Variants in CRACD observed in about 807,000 individuals in gnomAD.
CRACD encodes capping protein-inhibiting regulator of actin dynamics.
A neutral mutation model predicts 106.8 loss-of-function variants in CRACD; 56 were observed. That is an observed-to-expected ratio of 0.52 (90% confidence interval 0.42 to 0.66). CRACD has a LOEUF of 0.66. CRACD is among the 30% of genes least tolerant of loss of function. The pLI is 0.00. For missense variants in CRACD, 1,730 were observed against 1,623.2 expected (o/e 1.07, Z -1.13); for synonymous variants, 754 against 670.8 (o/e 1.12, Z -1.92).
At chr4:56,155,986 C>T (rs1418421185) in intron 1 of CRACD, among the ~76,000 whole-genome samples, 3 of 151,972 alleles carry the variant, frequency 2.0e-5, no homozygotes, top group African/African-American at 4.8e-5. Context: ...TTTTTTGAGA[C>T]AGAGTTTTGC....
At chr4:56,094,421 C>CTTTTTTTTT (rs1050719130) in intron 1 of CRACD, among the ~76,000 whole-genome samples, 2 of 117,082 alleles carry the variant, frequency 1.7e-5, no homozygotes, top group African/African-American at 3.2e-5. Context: ...CATATAGATT[C>CTTTTTTTTT]TTTTTTTTTT....
At chr4:56,217,955 ATCT>A (rs1051253910) in intron 2 of CRACD, among the ~76,000 whole-genome samples, 14 of 152,040 alleles carry the variant, frequency 9.2e-5, no homozygotes, top group Non-Finnish European at 2.9e-5. Context: ...GTGAGGGAGA[ATCT>A]TCTTCTTGCC....
In CRACD at chr4:56,316,545, C is replaced by T; in HGVS notation, c.3043C>T (p.Pro1015Ser). ...GGACCAGGAGAGCAGTGACCGCCGG[C>T]CACCCTCGCCCCCAGGCCCCGAGGA... ...KEDQESSDRR[P>S]PSPPGPEERK... Residue 1015 changes from proline (P) to serine (S), a missense_variant, in exon 8 of 11, where the codon CCA (proline) becomes TCA (serine). This residue lies in a region of CRACD where 1,620 missense variants were observed against 1,481.6 expected (regional missense o/e 1.09). Transcript: ENST00000682029. The T allele has an allele frequency of 6.2e-7, 1 of 1,613,298 alleles. No individual in the cohort carries two copies. The highest frequency in any genetic ancestry group is 1.1e-5 in the South Asian group (1 of 90,998).
chr4:56,059,889 G>A (rs1732213374), intron 1 of CRACD, among the ~76,000 whole-genome samples: 1 of 152,032 alleles, frequency 6.6e-6, no homozygotes, highest in East Asian at 1.9e-4. Flanking sequence ...TTGCCATGTT[G>A]GCCAGGCTGG....
rs572003455 is a variant in CRACD, at chr4:56,214,652, A to ACT, written c.-189+35251_-189+35252dup. Among the ~76,000 whole-genome samples, 318 of 101,864 alleles carry ACT rather than the reference A, an allele frequency of 3.1e-3. 10 individuals are homozygous for ACT. Among genetic ancestry groups the ACT allele is most frequent in the African/African-American group, 8.7e-3 (254 of 29,162 alleles). 66.8% of individuals were successfully genotyped at this position (101,864 alleles called of 152,430 possible). ...CTCCAGCCTGGCGACAGAGCTAGAC[A>ACT]CTCTCTCTCTCTCTCTCTCTCTCTC... On this transcript the variant is annotated intron_variant, in intron 2 of 10. Transcript: ENST00000682029.
chr4:56,295,020 G>A (rs1743926608), intron 3 of CRACD, among the ~76,000 whole-genome samples: 1 of 143,272 alleles, frequency 7.0e-6, no homozygotes, highest in East Asian at 2.1e-4. Context: ...TAGATATCAA[G>A]ACTCCTTAAA....
At position 56,314,124 on chromosome 4, in the gene CRACD, C is replaced by T. The variant is rs754924144; in HGVS notation, c.622C>T (p.His208Tyr). The T allele has an allele frequency of 8.1e-6, 13 of 1,614,058 alleles. No homozygotes were observed. The highest frequency in any genetic ancestry group is 7.7e-5 in the South Asian group (7 of 91,086). Residue 208 changes from histidine to tyrosine, a missense_variant, in exon 8 of 11, where the codon CAC (histidine) becomes TAC (tyrosine). Around this residue, in one of 5 missense-constraint regions of CRACD, gnomAD observed 1,620 missense variants for 1,481.6 expected, o/e 1.09. Transcript: ENST00000682029. The surrounding 1 kb of genome is among the most constrained non-coding windows in gnomAD (Gnocchi z 4.4). ...CCCAGGCGAGGACAAGCCAACGTGG[C>T]ACGAAGAGGAACCCAATCCGCTGGA... is the stretch of plus-strand genomic sequence containing the variant. ...GHPGEDKPTWHEEEPNPLDSE... is the reference protein window; with the variant it reads ...GHPGEDKPTWYEEEPNPLDSE...
Position 56,314,249 on chromosome 4 carries a change from G to A in CRACD, c.747G>A (p.Glu249=). The A allele has an allele frequency of 6.3e-7, 1 of 1,580,548 alleles. No individual in the cohort carries two copies. The highest frequency in any genetic ancestry group is 8.6e-7 in the Non-Finnish European group (1 of 1,162,828). Residue 249 remains glutamate, a synonymous_variant, in exon 8 of 11, where the codon GAG becomes GAA. Coordinates refer to ENST00000682029, the MANE Select transcript of CRACD (RefSeq NM_001393381.1). The surrounding 1 kb of genome is among the most constrained non-coding windows in gnomAD (Gnocchi z 4.4). The stretch of plus-strand genomic sequence containing the variant: ...AAGCAGCCGAGAAGAGACGCCTAGA[G>A]GAGCAGAGGCTGCAGGCGCTGGAGA... ...KAEAAEKRRL[E]EQRLQALERR...
intron 1 of CRACD, among the ~76,000 whole-genome samples, chr4:56,090,865 G>A (rs945371592): frequency 2.6e-5 from 4 of 152,254 alleles, no homozygotes; most frequent in Admixed American, 2.6e-4. Flanking sequence ...ACTCTGTTAC[G>A]CAGAGGTTTG....
At position 56,315,144 on chromosome 4, in the gene CRACD, A is replaced by G. The variant is rs61750855; in HGVS notation, c.1642A>G (p.Ile548Val). 3.1e-4 allele frequency: 504 copies of G among 1,608,134 alleles called. No individual in the cohort carries two copies. The African/African-American group carries it at 5.8e-3, about 19-fold the overall frequency. ...TFQVSSGGKQILFPKVNLSPV... is the reference protein window; with the variant it reads ...TFQVSSGGKQVLFPKVNLSPV... ...CCAGGTGTCCTCCGGAGGGAAGCAG[A>G]TTCTCTTTCCCAAAGTCAACCTGAG... Residue 548 changes from isoleucine (I) to valine (V), a missense_variant, in exon 8 of 11, where the codon ATT becomes GTT. Ile to Val is a conservative substitution (Grantham distance 29). Transcript: ENST00000682029. The surrounding 1 kb of genome is among the most constrained non-coding windows in gnomAD (Gnocchi z 4.1).
At chr4:56,110,881 G>A (rs1043097321) in intron 1 of CRACD, among the ~76,000 whole-genome samples, 4 of 152,190 alleles carry the variant, frequency 2.6e-5, no homozygotes, top group Non-Finnish European at 4.4e-5. Flanking sequence ...ACAGGTGTGA[G>A]CCGCTGCGTC....
intron 2 of CRACD, among the ~76,000 whole-genome samples, chr4:56,206,718 C>T (rs1738140133): frequency 6.6e-6 from 1 of 152,156 alleles, no homozygotes; most frequent in African/African-American, 2.4e-5. Flanking sequence ...ACAGTGGCCT[C>T]CCATACTTTT....
At chr4:56,151,836 A>G (rs1430324080) in intron 1 of CRACD, among the ~76,000 whole-genome samples, 1 of 151,868 alleles carries the variant, frequency 6.6e-6, no homozygotes, top group Non-Finnish European at 1.5e-5. Context: ...TTGTTTTCTC[A>G]TGATTAGATG....
Position 56,328,596 on chromosome 4 carries a change from C to G in CRACD, c.*792C>G, listed in dbSNP as rs773243065. 3 of 339,358 alleles carry G rather than the reference C, an allele frequency of 8.8e-6. No homozygotes were observed. Among genetic ancestry groups the G allele is most frequent in the Non-Finnish European group, 1.2e-5 (2 of 172,882 alleles). 21.0% of individuals were successfully genotyped at this position (339,358 alleles called of 1,614,324 possible). ...ACTTTCTGTCTCTGAGAATCTCCAT[C>G]TAGGGCAGTAGTTCTTATGATGTGT... is the stretch of plus-strand genomic sequence containing the variant. On this transcript the variant is annotated 3_prime_UTR_variant, in exon 11 of 11. Transcript: ENST00000682029.
intron 1 of CRACD, among the ~76,000 whole-genome samples, chr4:56,091,662 T>G (rs1316565975): frequency 6.6e-6 from 1 of 152,154 alleles, no homozygotes; most frequent in African/African-American, 2.4e-5. Context: ...TTGCTGCCAT[T>G]GTCATGTGCT....
intron 1 of CRACD, among the ~76,000 whole-genome samples, chr4:56,121,763 A>G (rs13146988): frequency 0.026 from 3,964 of 152,352 alleles, 86 homozygotes; most frequent in Non-Finnish European, 0.039. Flanking sequence ...CCACAGATGT[A>G]TCAGTGGGCA....
chr4:56,067,947 G>A (rs1732518087), intron 1 of CRACD, among the ~76,000 whole-genome samples: 1 of 152,136 alleles, frequency 6.6e-6, no homozygotes, highest in South Asian at 2.1e-4. Flanking sequence ...TTTATTGAGT[G>A]TTTACTATTT....
chr4:56,316,171 G>T lies in CRACD; in HGVS notation c.2669G>T (p.Arg890Leu), dbSNP rs376385425. 5 of 1,614,132 alleles carry T rather than the reference G, an allele frequency of 3.1e-6. No individual in the cohort carries two copies. In the African/African-American group the frequency reaches 5.3e-5, roughly 17 times the overall value. Residue 890 changes from arginine (R) to leucine (L), a missense_variant, in exon 8 of 11, where the codon CGT becomes CTT. By Grantham distance (102) the Arg-to-Leu change is moderately radical. Around this residue, in one of 5 missense-constraint regions of CRACD, gnomAD observed 1,620 missense variants for 1,481.6 expected, o/e 1.09. Coordinates refer to ENST00000682029, the MANE Select transcript of CRACD (RefSeq NM_001393381.1). Reference sequence around the variant, plus strand: ...GGGCCGCCTGCAGCGGGGAGCGCTCGTGGAGAGAAAGAGATGGAGGGTGTG... The same window carrying T: ...GGGCCGCCTGCAGCGGGGAGCGCTCTTGGAGAGAAAGAGATGGAGGGTGTG... ...DAGPPAAGSA[R>L]GEKEMEGVAL...
Position 56,187,255 on chromosome 4 carries a change from G to C in CRACD, c.-189+7825G>C, listed in dbSNP as rs189453150. 1.9e-3 allele frequency among the ~76,000 whole-genome samples: 285 copies of C among 152,122 alleles called. 1 individual carries two copies. Among genetic ancestry groups the C allele is most frequent in the African/African-American group, 6.6e-3 (276 of 41,508 alleles). On this transcript the variant is annotated intron_variant, in intron 2 of 10. Transcript: ENST00000682029. ...TGAGAGAGTTTTGCACAGAGTGCTG[G>C]GGAACACAAAGGGCAGCATAAACAA...
Sources: allele counts gnomAD v4.1 joint callset (sites outside exome capture counted in the v4.1 genomes callset), GRCh38; gene constraint gnomAD v4.1.1; regional missense constraint gnomAD v4.1.1; non-coding constraint Gnocchi (gnomAD v3.1); transcripts MANE v1.5; gene names NCBI Gene and HGNC (gene_info 2026-07-23, HGNC 2026-07-21).